CDH18: variants seen among roughly 807,000 people sequenced by gnomAD.
CDH18 encodes cadherin-18.
Under a neutral mutation model 67.9 loss-of-function variants are expected in CDH18, and 31 were observed. The observed-to-expected ratio is 0.46, with a 90% confidence interval of 0.34 to 0.62. The LOEUF is 0.62. CDH18 is among the 20% of genes least tolerant of loss of function. The pLI, the probability that CDH18 is intolerant of heterozygous loss-of-function variation, is 0.01. For missense variants in CDH18, 890 were observed against 975.5 expected (o/e 0.91, Z 1.17); for synonymous variants, 362 against 347.2 (o/e 1.04, Z -0.48).
At chr5:20,485,768 C>T (rs1508544) in intron 1 of CDH18, among the ~76,000 whole-genome samples, 3,891 of 152,150 alleles carry the variant, frequency 0.026, 167 homozygotes, top group African/African-American at 0.089. Context: ...CCTGAGGGTA[C>T]ATTTTGGCAA....
intron 2 of CDH18, among the ~76,000 whole-genome samples, chr5:20,067,038 C>T (rs574971958): frequency 5.3e-5 from 8 of 151,220 alleles, no homozygotes; most frequent in African/African-American, 1.7e-4. Context: ...AAAAATAATA[C>T]AAATAAAAAA....
At chr5:20,515,451 T>G (rs1356995932) in intron 1 of CDH18, among the ~76,000 whole-genome samples, 1 of 152,096 alleles carries the variant, frequency 6.6e-6, no homozygotes, top group Non-Finnish European at 1.5e-5. Flanking sequence ...GTCTCCTAAG[T>G]GCTCTGGTTC....
intron 2 of CDH18, among the ~76,000 whole-genome samples, chr5:20,143,167 G>T (rs925461775): frequency 2.0e-5 from 3 of 151,994 alleles, no homozygotes; most frequent in African/African-American, 7.2e-5. Flanking sequence ...AGAATGTCTA[G>T]TCATGAAAAT....
chr5:19,862,516 T>A (rs554350854), intron 2 of CDH18, among the ~76,000 whole-genome samples: 1 of 152,262 alleles, frequency 6.6e-6, no homozygotes, highest in Non-Finnish European at 1.5e-5. Context: ...AAAATCGTAA[T>A]GTTACATTTT....
chr5:19,710,789 C>T (rs1764609740), intron 5 of CDH18, among the ~76,000 whole-genome samples: 1 of 152,112 alleles, frequency 6.6e-6, no homozygotes, highest in South Asian at 2.1e-4. Flanking sequence ...ATAATGTAGG[C>T]CTTCAATAAA....
At chr5:20,274,423 AAGTCAATAG>A (rs1466995111) in intron 1 of CDH18, among the ~76,000 whole-genome samples, 25 of 152,276 alleles carry the variant, frequency 1.6e-4, no homozygotes, top group African/African-American at 5.8e-4. Context: ...AAATTTTCAG[AAGTCAATAG>A]AATGCATAGT....
intron 11 of CDH18, among the ~76,000 whole-genome samples, chr5:19,493,590 G>T (rs1168310484): frequency 2.6e-5 from 4 of 151,082 alleles, no homozygotes; most frequent in Admixed American, 1.3e-4. Flanking sequence ...TCTTCATTTT[G>T]AATTAGGTCC....
At chr5:20,345,023 A>G (rs1407919920) in intron 1 of CDH18, among the ~76,000 whole-genome samples, 1 of 152,066 alleles carries the variant, frequency 6.6e-6, no homozygotes, top group African/African-American at 2.4e-5. Flanking sequence ...TGCTAATCCC[A>G]TCATCTTAGT....
chr5:20,432,378 G>T (rs1319922907), intron 1 of CDH18, among the ~76,000 whole-genome samples: 1 of 152,140 alleles, frequency 6.6e-6, no homozygotes, highest in Non-Finnish European at 1.5e-5. Context: ...AAGGGTTTGA[G>T]CTCAGAACAG....
chr5:20,134,180 G>A (rs556268881), intron 2 of CDH18, among the ~76,000 whole-genome samples: 10 of 151,942 alleles, frequency 6.6e-5, no homozygotes, highest in Admixed American at 1.3e-4. Flanking sequence ...CATGTTGGCC[G>A]CACTGGTCTC....
chr5:20,182,597 CAAAAAAAA>C (rs778083062), intron 2 of CDH18, among the ~76,000 whole-genome samples: 1 of 47,426 alleles, frequency 2.1e-5, no homozygotes, highest in African/African-American at 7.8e-5. Context: ...AGCTAAATCT[CAAAAAAAA>C]AAAAAAAAAA....
chr5:20,017,348 C>T (rs1018935241), intron 2 of CDH18, among the ~76,000 whole-genome samples: 1 of 152,046 alleles, frequency 6.6e-6, no homozygotes, highest in African/African-American at 2.4e-5. Context: ...AAAAAAGGGT[C>T]AAATTTGTTA....
intron 1 of CDH18, among the ~76,000 whole-genome samples, chr5:20,372,135 T>A (rs1335877130): frequency 6.6e-6 from 1 of 152,178 alleles, no homozygotes; most frequent in African/African-American, 2.4e-5. Context: ...TTTACGCTTT[T>A]AAGCATTAAG....
rs78033099 is a variant in CDH18 at position 19,701,677 on chromosome 5, T to C, written c.643+19670A>G. Among the ~76,000 whole-genome samples the C allele has an allele frequency of 1.1e-4, 16 of 152,148 alleles. No homozygotes were observed. The East Asian group carries it at 2.7e-3, about 26-fold the overall frequency. On this transcript the variant is annotated intron_variant, in intron 5 of 12. Coordinates refer to ENST00000382275, the MANE Select transcript of CDH18 (RefSeq NM_004934.5). ...AGAATAAAGAGAAGATAGTACCGCT[T>C]AGAGATAAAATTGATTTATGACTGG...
intron 2 of CDH18, among the ~76,000 whole-genome samples, chr5:19,852,220 T>C (rs555822807): frequency 2.0e-5 from 3 of 152,172 alleles, no homozygotes; most frequent in South Asian, 2.1e-4. Flanking sequence ...CACTCATTAT[T>C]AGTTGACTGG....
chr5:20,139,395 C>T (rs970911416), intron 2 of CDH18, among the ~76,000 whole-genome samples: 3 of 152,188 alleles, frequency 2.0e-5, no homozygotes, highest in South Asian at 2.1e-4. Flanking sequence ...CCATTCAGGA[C>T]ATAGGCATGG....
intron 5 of CDH18, among the ~76,000 whole-genome samples, chr5:19,621,514 C>T (rs1471784830): frequency 1.3e-5 from 2 of 152,228 alleles, no homozygotes; most frequent in Non-Finnish European, 1.5e-5. Context: ...TACCTGCACT[C>T]CTATGTTCAC....
intron 9 of CDH18, among the ~76,000 whole-genome samples, chr5:19,524,334 AAT>A (rs1401678972): frequency 4.0e-5 from 6 of 149,672 alleles, no homozygotes; most frequent in African/African-American, 1.5e-4. Flanking sequence ...TTGATAAATG[AAT>A]ATATACATTA....
chr5:20,260,195 C>T (rs546949747), intron 1 of CDH18, among the ~76,000 whole-genome samples: 2 of 151,484 alleles, frequency 1.3e-5, no homozygotes, highest in Non-Finnish European at 3.0e-5. Flanking sequence ...CTGTCCCCAA[C>T]ACTTCTGAAA....
Sources: allele counts gnomAD v4.1 joint callset (sites outside exome capture counted in the v4.1 genomes callset), GRCh38; gene constraint gnomAD v4.1.1; transcripts MANE v1.5; gene names NCBI Gene and HGNC (gene_info 2026-07-23, HGNC 2026-07-21).